The following CACNA1F variants were observed in gnomAD, a reference collection of about 807,000 sequenced individuals.
The protein encoded by CACNA1F is calcium voltage-gated channel subunit alpha1 F.
CACNA1F carries 59 observed loss-of-function variants against 143.8 expected under a neutral mutation model. The ratio of observed to expected loss-of-function variants is 0.41; its 90% CI spans 0.33 to 0.51. The LOEUF is 0.51. Ranked by LOEUF, CACNA1F falls within the 20% of genes least tolerant of loss-of-function variation. CACNA1F has a pLI of 0.22. For synonymous variants in CACNA1F, 643 were observed against 649.1 expected (o/e 0.99, Z 0.14); for missense variants, 1,411 against 1,647.5 (o/e 0.86, Z 2.48).
At chrX:49,222,635 A>G in intron 16 of CACNA1F, 32 bp from the exon 17 acceptor site, 2 of 1,203,134 alleles carry the variant, frequency 1.7e-6, no homozygotes, top group East Asian at 5.9e-5. Context: ...AAGGATGGAG[A>G]AGCACCCTGC....
In CACNA1F at chrX:49,223,114, G is replaced by C; in HGVS notation, c.1900C>G (p.Leu634Val). The C allele has an allele frequency of 8.3e-7, 1 of 1,198,430 alleles. No homozygotes were observed. Among genetic ancestry groups the C allele is most frequent in the South Asian group, 1.8e-5 (1 of 55,095 alleles). ...VTRHWASLSNLVASLLNSMKS... is the reference protein window; with the variant it reads ...VTRHWASLSNVVASLLNSMKS... ...ATTGAATTGAGCAGGGATGCCACCA[G>C]ATTGCTCAGAGAAGCCCAGTGTCTG... Residue 634 changes from leucine (L) to valine (V), a missense_variant, in exon 15 of 48, where the codon CTG (leucine) becomes GTG (valine). Leu to Val is a conservative substitution (Grantham distance 32). Around this residue, in one of 3 missense-constraint regions of CACNA1F, gnomAD observed 950 missense variants for 1,128.1 expected, o/e 0.84. Transcript: ENST00000323022.
rs371796154 is a variant in CACNA1F, at chrX:49,205,163, C to G, written c.5875G>C (p.Glu1959Gln). The change falls in exon 48 of 48, where the codon GAG becomes CAG. Residue 1959 changes from glutamate to glutamine, a missense_variant. By Grantham distance (29) the Glu-to-Gln change is conservative. This residue lies in a region of CACNA1F where 349 missense variants were observed against 350.2 expected (regional missense o/e 1.00). Coordinates refer to ENST00000323022, the MANE Select transcript of CACNA1F (RefSeq NM_001256789.3). ...SRFDEEDLGD[E>Q]MACVHAL ...CAGAGGGCGTGGACGCAGGCCATCT[C>G]GTCTCCCAAGTCCTCCTCATCGAAG... 1.7e-6 allele frequency: 2 copies of G among 1,209,788 alleles called. No homozygotes were observed. The highest frequency in any genetic ancestry group is 5.9e-5 in the East Asian group (2 of 33,806).
rs1557108294 is a variant in CACNA1F, at chrX:49,219,417, A to G, written c.2577T>C (p.His859=). Residue 859 remains histidine (H), a synonymous_variant, in exon 21 of 48, where the codon CAT becomes CAC. Transcript: ENST00000323022. ...LRKGCHTLIH[H]HVFTNLILVF... is the part of the protein sequence containing the mutation. ...CCAGGATAAGATTGGTGAAGACATG[A>G]TGGTGGATGAGGGTGTGGCAGCCCT... is the stretch of plus-strand genomic sequence containing the variant. The G allele has an allele frequency of 1.7e-6, 2 of 1,209,048 alleles. No individual in the cohort carries two copies. The highest frequency in any genetic ancestry group is 2.2e-6 in the Non-Finnish European group (2 of 894,088).
At position 49,211,864 on chromosome X, in the gene CACNA1F, G is replaced by A. The variant is rs782189088; in HGVS notation, c.4100+34C>T. 7 of 1,136,664 alleles carry A rather than the reference G, an allele frequency of 6.2e-6. No individual in the cohort carries two copies. The East Asian group carries it at 2.1e-4, about 34-fold the overall frequency. The allele number at this position is 1,136,664 out of a possible 1,213,427, so 93.7% of individuals were successfully genotyped here. ...CAGAGAGGGTGGGTGGGCACCCACGGGCATAAGGTGGCAGGGGAGTGAGTA... is the reference window on the plus strand; with the variant it reads ...CAGAGAGGGTGGGTGGGCACCCACGAGCATAAGGTGGCAGGGGAGTGAGTA... On this transcript the variant is annotated intron_variant, in intron 35 of 47. Transcript: ENST00000323022.
rs781874465 is a variant in CACNA1F, at chrX:49,230,521, C to T, written c.610G>A (p.Ala204Thr). Reference protein sequence around the residue: ...GGKPGGFDVKALRAFRVLRPL... With the variant: ...GGKPGGFDVKTLRAFRVLRPL... ...CGCAGCACCCGAAACGCCCTCAATG[C>T]CTTCACATCGAAGCCTCCTGGCTTT... Residue 204 changes from alanine (A) to threonine (T), a missense_variant, in exon 5 of 48, where the codon GCA becomes ACA. Physicochemically the swap from Ala to Thr is moderately conservative, Grantham distance 58 (BLOSUM62 0). Transcript: ENST00000323022. 2 of 1,205,429 alleles carry T rather than the reference C, an allele frequency of 1.7e-6. No individual in the cohort carries two copies. The highest frequency in any genetic ancestry group is 3.6e-5 in the South Asian group (2 of 55,693).
chrX:49,224,459 T>C (rs951534897), intron 14 of CACNA1F, among the ~76,000 whole-genome samples: 10 of 109,569 alleles, frequency 9.1e-5, no homozygotes, highest in African/African-American at 3.3e-4. Context: ...GGGTTTGGGC[T>C]GGGAATAGTA....
chrX:49,211,984 G>T lies in CACNA1F; in HGVS notation c.4014C>A (p.Phe1338Leu). 2 of 1,205,898 alleles carry T rather than the reference G, an allele frequency of 1.7e-6. No homozygotes were observed. The highest frequency in any genetic ancestry group is 2.2e-6 in the Non-Finnish European group (2 of 890,523). Reference sequence around the variant, plus strand: ...TGCCATCCTGAAGAGCCACCTTGCCGAACATCTGTGGACACATCAAGGCTG... The same window carrying T: ...TGCCATCCTGAAGAGCCACCTTGCCTAACATCTGTGGACACATCAAGGCTG... ...FIYAVIGMQM[F>L]GKVALQDGTQ... The change falls in exon 35 of 48, where the codon TTC becomes TTA. Residue 1338 changes from phenylalanine (F) to leucine (L), a missense_variant. Around this residue, in one of 3 missense-constraint regions of CACNA1F, gnomAD observed 950 missense variants for 1,128.1 expected, o/e 0.84. Transcript: ENST00000323022.
rs151051742 is a variant in CACNA1F, at chrX:49,224,483, G to A, written c.1877+278C>T. Among the ~76,000 whole-genome samples, 603 of 110,369 alleles carry A rather than the reference G, an allele frequency of 5.5e-3. 7 individuals are homozygous for A. Among genetic ancestry groups the A allele is most frequent in the Non-Finnish European group, 8.8e-3 (463 of 52,817 alleles). On this transcript the variant is annotated intron_variant, in intron 14 of 47. Coordinates refer to ENST00000323022, the MANE Select transcript of CACNA1F (RefSeq NM_001256789.3). ...CTGGGAATAGTATGGCATTGAAATC[G>A]GAGACAGGGTTGGGGAAAAACGTTA... is the stretch of plus-strand genomic sequence containing the variant.
intron 13 of CACNA1F, among the ~76,000 whole-genome samples, chrX:49,225,585 TGGG>T (rs1557109673): frequency 2.2e-4 from 24 of 111,621 alleles, no homozygotes; most frequent in African/African-American, 7.8e-4. Flanking sequence ...ACTCGCTAGC[TGGG>T]TCCCGAGATT....
Position 49,226,038 on chromosome X carries a change from G to A in CACNA1F, c.1522C>T (p.Arg508Trp), listed in dbSNP as rs782605685. The change falls in exon 13 of 48, where the codon CGG becomes TGG. Residue 508 changes from arginine (R) to tryptophan (W), a missense_variant. By Grantham distance (101) the Arg-to-Trp change is moderately radical. Transcript: ENST00000323022. Reference protein sequence around the residue: ...RRLRRANRVLRARCRRAVKSN... With the variant: ...RRLRRANRVLWARCRRAVKSN... ...TTCACTGCCCGACGGCAGCGTGCCC[G>A]AAGGACCCGGTTGGCTCGGCGGAGG... 4 of 1,191,260 alleles carry A rather than the reference G, an allele frequency of 3.4e-6. No individual in the cohort carries two copies. The highest frequency in any genetic ancestry group is 3.7e-5 in the South Asian group (2 of 54,472).
chrX:49,218,492 C>T lies in CACNA1F; in HGVS notation c.2891G>A (p.Arg964Gln). ...VKILRVLRVLRPLRAINRAKG... is the reference protein window; with the variant it reads ...VKILRVLRVLQPLRAINRAKG... ...GGCCCTGTTGATGGCTCGGAGGGGCCGCAGTACTCGGAGTACTCGCAGAAT... is the reference window on the plus strand; with the variant it reads ...GGCCCTGTTGATGGCTCGGAGGGGCTGCAGTACTCGGAGTACTCGCAGAAT... The change falls in exon 24 of 48, where the codon CGG becomes CAG. Residue 964 changes from arginine to glutamine, a missense_variant. Arg to Gln is a conservative substitution (Grantham distance 43). Around this residue, in one of 3 missense-constraint regions of CACNA1F, gnomAD observed 950 missense variants for 1,128.1 expected, o/e 0.84. Coordinates refer to ENST00000323022, the MANE Select transcript of CACNA1F (RefSeq NM_001256789.3). 1.7e-6 allele frequency: 2 copies of T among 1,184,670 alleles called. No homozygotes were observed. The highest frequency in any genetic ancestry group is 1.9e-5 in the South Asian group (1 of 53,631).
intron 14 of CACNA1F, among the ~76,000 whole-genome samples, chrX:49,223,441 A>T (rs1030229631): frequency 1.9e-5 from 2 of 105,475 alleles, no homozygotes; most frequent in African/African-American, 6.9e-5. Flanking sequence ...CGTCTCTACT[A>T]AAAAAAAATT....
intron 17 of CACNA1F, among the ~76,000 whole-genome samples, chrX:49,221,283 G>A (rs781879829): frequency 5.4e-5 from 6 of 111,651 alleles, no homozygotes; most frequent in South Asian, 7.5e-4. Flanking sequence ...ACCCTCCCAC[G>A]TCTCCTTAAT....
At chrX:49,223,892 C>G (rs781984461) in intron 14 of CACNA1F, among the ~76,000 whole-genome samples, 2 of 108,986 alleles carry the variant, frequency 1.8e-5, no homozygotes, top group African/African-American at 6.7e-5. Flanking sequence ...CCACCACTCC[C>G]GGCTAATTTT....
intron 14 of CACNA1F, among the ~76,000 whole-genome samples, chrX:49,223,531 G>A (rs188146382): frequency 1.7e-4 from 17 of 97,281 alleles, no homozygotes; most frequent in African/African-American, 5.3e-4. Context: ...CCCAGGAGGC[G>A]GAGCTTGCAG....
Position 49,215,687 on chromosome X carries a change from C to T in CACNA1F, c.3237-144G>A, listed in dbSNP as rs183883871. 2.0e-4 allele frequency: 89 copies of T among 447,422 alleles called. No individual in the cohort carries two copies. The East Asian group carries it at 3.3e-3, about 17-fold the overall frequency. 36.9% of individuals were successfully genotyped at this position (447,422 alleles called of 1,213,427 possible). A position where few individuals can be genotyped will look rare whatever the true frequency, so the allele number is the denominator to read the frequency against. On this transcript the variant is annotated intron_variant, in intron 27 of 47. Transcript: ENST00000323022. ...AAGACCCCTAAATCTCCTGACCTAA[C>T]CACCTGGGACCTCCATACATACTCT...
In CACNA1F at chrX:49,219,618, C is replaced by T. The variant is rs1203188676; in HGVS notation, c.2543+16G>A. On this transcript the variant is annotated intron_variant, in intron 20 of 47. Coordinates refer to ENST00000323022, the MANE Select transcript of CACNA1F (RefSeq NM_001256789.3). Reference sequence around the variant, plus strand: ...TAGCCCCTCCTGCCTCACCCCCTGCCACTTCCGGCACTCACGGGTTGGTTT... The same window carrying T: ...TAGCCCCTCCTGCCTCACCCCCTGCTACTTCCGGCACTCACGGGTTGGTTT... 1.2e-5 allele frequency: 14 copies of T among 1,193,608 alleles called. No individual in the cohort carries two copies. The highest frequency in any genetic ancestry group is 3.5e-5 in the African/African-American group (2 of 56,348).
chrX:49,231,410 A>G (rs972478474), intron 2 of CACNA1F, 103 bp from the exon 3 acceptor site: 9 of 663,606 alleles, frequency 1.4e-5, no homozygotes, highest in Non-Finnish European at 1.9e-5. Flanking sequence ...CCAAGGTGAC[A>G]GGTCCTGGCA....
At position 49,226,500 on chromosome X, in the gene CACNA1F, T is replaced by C; in HGVS notation, c.1372A>G (p.Ser458Gly). ...RSTHSTSSHASLPASDTGSMT... is the reference protein window; with the variant it reads ...RSTHSTSSHAGLPASDTGSMT... ...GAACCGGTGTCACTGGCTGGGAGGC[T>C]GGCTGTAGGCAAGGTGGGGATAGTG... Residue 458 changes from serine to glycine, a missense_variant and splice_region_variant, in exon 11 of 48, where the codon AGC becomes GGC. Physicochemically the swap from Ser to Gly is moderately conservative, Grantham distance 56 (BLOSUM62 0). Transcript: ENST00000323022. 1 of 1,185,242 alleles carries C rather than the reference T, an allele frequency of 8.4e-7. No homozygotes were observed. Among genetic ancestry groups the C allele is most frequent in the Non-Finnish European group, 1.1e-6 (1 of 881,329 alleles).
Sources: allele counts gnomAD v4.1 joint callset (sites outside exome capture counted in the v4.1 genomes callset), GRCh38; gene constraint gnomAD v4.1.1; regional missense constraint gnomAD v4.1.1; transcripts MANE v1.5; gene names NCBI Gene and HGNC (gene_info 2026-07-23, HGNC 2026-07-21).